Variants in NBAS observed in about 807,000 individuals in gnomAD.
The protein encoded by NBAS is NBAS subunit of NRZ tethering complex.
Under a neutral mutation model 302.5 loss-of-function variants are expected in NBAS, and 219 were observed. That is an observed-to-expected ratio of 0.72 (90% confidence interval 0.65 to 0.81). NBAS has a LOEUF of 0.81. Ranked by LOEUF, NBAS falls within the 30% of genes least tolerant of loss-of-function variation. The pLI is 0.00. For synonymous variants in NBAS, 1,118 were observed against 1,021.6 expected (o/e 1.09, Z -1.80); for missense variants, 2,932 against 2,841.6 (o/e 1.03, Z -0.72).
chr2:14,997,534 T>C, the NBAS span, among the ~76,000 whole-genome samples: 1 of 152,012 alleles, frequency 6.6e-6, no homozygotes, highest in African/African-American at 2.4e-5. Flanking sequence ...ATGTACAACA[T>C]GGTGATTTGA....
chr2:15,492,822 C>A (rs539116284), intron 11 of NBAS, among the ~76,000 whole-genome samples: 1 of 152,254 alleles, frequency 6.6e-6, no homozygotes, highest in South Asian at 2.1e-4. Context: ...GGGAATAATT[C>A]ATTATCCCAA....
rs768283806 is a variant in NBAS, at chr2:15,328,292, T to G, written c.4368A>C (p.Ala1456=). 1.2e-6 allele frequency: 2 copies of G among 1,613,708 alleles called. No individual in the cohort carries two copies. Among genetic ancestry groups the G allele is most frequent in the South Asian group, 1.1e-5 (1 of 91,056 alleles). Residue 1456 remains alanine, a synonymous_variant, in exon 37 of 52, where the codon GCA becomes GCC. Transcript: ENST00000281513. ...RPLQGQKCGG[A]YQIGTTANED... is the part of the protein sequence containing the mutation. ...CATTGGCTGTAGTTCCGATTTGATA[T>G]GCACCACCACATTTTTGCCCCTAAA...
chr2:15,285,755 C>G (rs541366105), intron 42 of NBAS, among the ~76,000 whole-genome samples: 45 of 152,292 alleles, frequency 3.0e-4, no homozygotes, highest in African/African-American at 1.0e-3. Flanking sequence ...TGGGTTCAAG[C>G]TATTCTCTTG....
intron 44 of NBAS, among the ~76,000 whole-genome samples, chr2:15,256,937 T>C (rs1164981350): frequency 6.6e-6 from 1 of 152,220 alleles, no homozygotes; most frequent in Non-Finnish European, 1.5e-5. Flanking sequence ...ATCTTTTTGA[T>C]ATGCTGTTGG....
At chr2:15,241,366 G>C (rs911610138) in intron 44 of NBAS, among the ~76,000 whole-genome samples, 22 of 152,230 alleles carry the variant, frequency 1.4e-4, no homozygotes, top group African/African-American at 5.3e-4. Context: ...TGGGCAGGAA[G>C]TAGGGTCCTG....
At chr2:15,063,934 G>C in the NBAS span, among the ~76,000 whole-genome samples, 1 of 152,190 alleles carries the variant, frequency 6.6e-6, no homozygotes, top group African/African-American at 2.4e-5. Context: ...ATAAGATATA[G>C]AGTGTGGAGC....
At chr2:15,292,807 T>A (rs1572603290) in intron 40 of NBAS, 41 bp from the exon 41 acceptor site, 1 of 1,579,138 alleles carries the variant, frequency 6.3e-7, no homozygotes, top group South Asian at 1.1e-5. Context: ...ACCAACATCA[T>A]ACAAACACGA....
the NBAS span, among the ~76,000 whole-genome samples, chr2:15,100,208 C>T: frequency 1.3e-5 from 2 of 152,136 alleles, no homozygotes; most frequent in Admixed American, 6.6e-5. Context: ...TAAAGAACTA[C>T]TTTCATGTGA....
the NBAS span, among the ~76,000 whole-genome samples, chr2:15,120,383 C>G: frequency 3.4e-4 from 52 of 152,192 alleles, no homozygotes; most frequent in Admixed American, 3.4e-3. Context: ...GATTAAGTGA[C>G]AAGCCCACAC....
chr2:15,338,905 T>TG (rs1274384428), intron 35 of NBAS, among the ~76,000 whole-genome samples: 3 of 151,996 alleles, frequency 2.0e-5, no homozygotes, highest in Admixed American at 1.3e-4. Flanking sequence ...CCTAGCTACT[T>TG]GGGGGGCTGA....
the NBAS span, among the ~76,000 whole-genome samples, chr2:15,048,757 A>G: frequency 6.6e-5 from 10 of 152,348 alleles, no homozygotes; most frequent in African/African-American, 2.2e-4. Flanking sequence ...GCCCTGCATC[A>G]GTCTCTTCAC....
chr2:15,490,746 C>T (rs1680820181), intron 11 of NBAS, among the ~76,000 whole-genome samples: 1 of 152,214 alleles, frequency 6.6e-6, no homozygotes, highest in African/African-American at 2.4e-5. Flanking sequence ...TTTTCAATCC[C>T]AACCAGGGCA....
chr2:15,219,648 C>G (rs1666836883), intron 47 of NBAS, among the ~76,000 whole-genome samples: 1 of 139,168 alleles, frequency 7.2e-6, no homozygotes, highest in Non-Finnish European at 1.5e-5. Context: ...GGGATAAGGT[C>G]ACAGATCAAC....
At chr2:15,549,079 T>C (rs1242832063) in intron 6 of NBAS, among the ~76,000 whole-genome samples, 1 of 152,194 alleles carries the variant, frequency 6.6e-6, no homozygotes, top group Non-Finnish European at 1.5e-5. Flanking sequence ...ATCTCCTAAG[T>C]ATTCATGATG....
chr2:14,837,982 T>C, the NBAS span, among the ~76,000 whole-genome samples: 2 of 151,966 alleles, frequency 1.3e-5, no homozygotes, highest in African/African-American at 4.8e-5. Context: ...TTTGTGGTTA[T>C]AGAATGCCAT....
the NBAS span, among the ~76,000 whole-genome samples, chr2:15,040,298 C>A: frequency 6.6e-6 from 1 of 152,072 alleles, no homozygotes; most frequent in African/African-American, 2.4e-5. Context: ...AATTGAGGCT[C>A]CAAGAGGTTA....
chr2:15,216,655 C>T (rs762800365), intron 48 of NBAS, among the ~76,000 whole-genome samples: 2 of 152,074 alleles, frequency 1.3e-5, no homozygotes, highest in Non-Finnish European at 2.9e-5. Flanking sequence ...ATTAGAACAT[C>T]GACAAAAGCT....
the NBAS span, among the ~76,000 whole-genome samples, chr2:14,903,855 A>ACACAGCAGGGCC: frequency 6.6e-6 from 1 of 151,970 alleles, no homozygotes; most frequent in Non-Finnish European, 1.5e-5. Flanking sequence ...GTCACACCTG[A>ACACAGCAGGGCC]TGGGATGTTA....
chr2:14,844,041 T>C, the NBAS span, among the ~76,000 whole-genome samples: 1 of 152,144 alleles, frequency 6.6e-6, no homozygotes, highest in Non-Finnish European at 1.5e-5. Context: ...TTAGGGGGCA[T>C]GTGACCTACT....
Sources: allele counts gnomAD v4.1 joint callset (sites outside exome capture counted in the v4.1 genomes callset), GRCh38; gene constraint gnomAD v4.1.1; transcripts MANE v1.5; gene names NCBI Gene and HGNC (gene_info 2026-07-23, HGNC 2026-07-21).